STRN4: variants seen among roughly 807,000 people sequenced by gnomAD.
The protein encoded by STRN4 is striatin 4, also known as striatin-4.
STRN4 carries 27 observed loss-of-function variants against 77.9 expected under a neutral mutation model. The ratio of observed to expected loss-of-function variants is 0.35; its 90% CI spans 0.26 to 0.48. STRN4 has a LOEUF of 0.48. Among genes scored for constraint, STRN4 ranks in the 20% least tolerant of loss-of-function variants. The pLI is 0.99. For synonymous variants in STRN4, 466 were observed against 443.1 expected (o/e 1.05, Z -0.65); for missense variants, 798 against 1,049.7 (o/e 0.76, Z 3.31).
intron 3 of STRN4, 52 bp from the exon 4 acceptor site, chr19:46,736,953 C>A (rs778178819): frequency 4.4e-6 from 7 of 1,580,684 alleles, no homozygotes; most frequent in Non-Finnish European, 3.5e-6. Context: ...TGCCACCTAC[C>A]CATCACCTCC....
chr19:46,727,482 G>A lies in STRN4; in HGVS notation c.1218C>T (p.Thr406=), dbSNP rs758007175. Residue 406 remains threonine (T), a synonymous_variant, in exon 9 of 18, where the codon ACC becomes ACT. Coordinates refer to ENST00000263280, the MANE Select transcript of STRN4 (RefSeq NM_013403.3). ...EVSLGDLADL[T]VTNDNDLSCD... is the part of the protein sequence containing the mutation. ...AGCTGAGGTCGTTGTCGTTGGTGAC[G>A]GTGAGATCTGCCAAGTCCCCCAGGC... is the stretch of plus-strand genomic sequence containing the variant. The A allele has an allele frequency of 1.8e-5, 29 of 1,613,912 alleles. No individual in the cohort carries two copies. The highest frequency in any genetic ancestry group is 8.0e-5 in the African/African-American group (6 of 74,868).
intron 1 of STRN4, among the ~76,000 whole-genome samples, chr19:46,745,029 C>T (rs2054551355): frequency 6.6e-6 from 1 of 151,668 alleles, no homozygotes; most frequent in African/African-American, 2.4e-5. Context: ...TATCCCCTTC[C>T]CCCCAACCCC....
In STRN4 at chr19:46,724,797, T is replaced by C. The variant is rs560280974; in HGVS notation, c.1594+10A>G. The C allele has an allele frequency of 1.3e-4, 211 of 1,613,816 alleles. No individual in the cohort carries two copies. Among genetic ancestry groups the C allele is most frequent in the Admixed American group, 8.3e-4 (50 of 60,014 alleles). On this transcript the variant is annotated intron_variant, in intron 12 of 17. Transcript: ENST00000263280. ...GGATGTGAGGGGAAGGCGGGAGGCG[T>C]TGTCCTCACCGTAGCCATCATAGGG...
chr19:46,728,778 C>G lies in STRN4; in HGVS notation c.880-1G>C, dbSNP rs1425975820. ...CGGGCACCAGAGCCTTGGATGGGAGCTGGCACATGGAGAAAGCCAGACAAG... is the reference window on the plus strand; with the variant it reads ...CGGGCACCAGAGCCTTGGATGGGAGGTGGCACATGGAGAAAGCCAGACAAG... On this transcript the variant is annotated splice_acceptor_variant, in intron 6 of 17. Coordinates refer to ENST00000263280, the MANE Select transcript of STRN4 (RefSeq NM_013403.3). LOFTEE classifies it high-confidence loss of function. 1.2e-6 allele frequency: 2 copies of G among 1,613,976 alleles called. No homozygotes were observed. The highest frequency in any genetic ancestry group is 1.3e-5 in the African/African-American group (1 of 75,058).
rs368779880 is a variant in STRN4, at chr19:46,723,296, G to A, written c.1595-12C>T. The A allele has an allele frequency of 2.6e-5, 40 of 1,531,700 alleles. No homozygotes were observed. Among genetic ancestry groups the A allele is most frequent in the East Asian group, 2.2e-4 (9 of 40,680 alleles). 94.9% of individuals were successfully genotyped at this position (1,531,700 alleles called of 1,614,324 possible). A position where few individuals can be genotyped will look rare whatever the true frequency, so the allele number is the denominator to read the frequency against. On this transcript the variant is annotated splice_polypyrimidine_tract_variant and intron_variant, in intron 12 of 17. Transcript: ENST00000263280. This position sits in a 1 kb window ranked among gnomAD's most constrained non-coding sequence, Gnocchi z 5.5. ...CAGCACGCTTGGGTCTGCACCCACC[G>A]CAGGGAGGAAATGGGCTGTGTCAGG...
rs770266340 is a variant in STRN4, at chr19:46,736,860, G to C, written c.502C>G (p.Pro168Ala). Residue 168 changes from proline to alanine, a missense_variant, in exon 4 of 18, where the codon CCG (proline) becomes GCG (alanine). Around this residue, in one of 2 missense-constraint regions of STRN4, gnomAD observed 511 missense variants for 575.9 expected, o/e 0.89. Transcript: ENST00000263280. ...PVESVTLENS[P>A]LVWKEGRQLL... is the part of the protein sequence containing the mutation. Reference sequence around the variant, plus strand: ...TGCCGCCCCTCCTTCCACACCAACGGGCTGTTCTCCAGGGTGACCGATTCC... The same window carrying C: ...TGCCGCCCCTCCTTCCACACCAACGCGCTGTTCTCCAGGGTGACCGATTCC... 6.2e-7 allele frequency: 1 copy of C among 1,613,218 alleles called. No homozygotes were observed. Among genetic ancestry groups the C allele is most frequent in the South Asian group, 1.1e-5 (1 of 90,904 alleles).
chr19:46,742,528 G>C (rs778659963), intron 1 of STRN4, among the ~76,000 whole-genome samples: 4 of 152,046 alleles, frequency 2.6e-5, no homozygotes, highest in Non-Finnish European at 4.4e-5. Flanking sequence ...GTAAACTGGT[G>C]GGTCAATGTG....
intron 12 of STRN4, among the ~76,000 whole-genome samples, chr19:46,724,377 C>T (rs1450382374): frequency 2.0e-5 from 3 of 152,192 alleles, no homozygotes; most frequent in East Asian, 1.9e-4. Context: ...CGCGCTCCAG[C>T]CTGGCCCAGC....
In STRN4 at chr19:46,723,088, G is replaced by T; in HGVS notation, c.1765+26C>A. The T allele has an allele frequency of 6.4e-7, 1 of 1,560,870 alleles. No individual in the cohort carries two copies. On this transcript the variant is annotated intron_variant, in intron 13 of 17. Transcript: ENST00000263280. This position sits in a 1 kb window ranked among gnomAD's most constrained non-coding sequence, Gnocchi z 5.5. ...GCCTCCAGATCCCGCACAGCTCCAG[G>T]GTGAGGCACCGGGGCCCCCACTCAC...
At chr19:46,724,710 G>C (rs2054065634) in intron 12 of STRN4, 97 bp downstream of exon 12, 28 of 1,560,372 alleles carry the variant, frequency 1.8e-5, no homozygotes, top group Non-Finnish European at 2.4e-5. Context: ...CCTGAGGCCT[G>C]CAGTGTTGGC....
At chr19:46,725,282 C>T (rs370214549) in intron 11 of STRN4, 50 bp downstream of exon 11, 7 of 1,612,906 alleles carry the variant, frequency 4.3e-6, no homozygotes, top group African/African-American at 4.0e-5. Context: ...GGTCAGGAGT[C>T]AGGCTGCATT....
At chr19:46,737,166 T>G (rs1429179412) in intron 3 of STRN4, among the ~76,000 whole-genome samples, 1 of 152,172 alleles carries the variant, frequency 6.6e-6, no homozygotes, top group African/African-American at 2.4e-5. Context: ...ACCAGAAAGC[T>G]GGCCTGGTTC....
chr19:46,722,926 G>A lies in STRN4; in HGVS notation c.1790C>T (p.Ala597Val), dbSNP rs777119292. 1.2e-6 allele frequency: 2 copies of A among 1,613,946 alleles called. No homozygotes were observed. The highest frequency in any genetic ancestry group is 1.7e-6 in the Non-Finnish European group (2 of 1,180,040). The stretch of plus-strand genomic sequence containing the variant: ...GTGGGCAGGCTCGGTGCTGGTGAAG[G>A]CCACTGAGGTGGGGACCCCGTGCTC... ...ASEHGVPTSV[A>V]FTSTEPAHIV... is the part of the protein sequence containing the mutation. The change falls in exon 14 of 18, where the codon GCC becomes GTC. Residue 597 changes from alanine to valine, a missense_variant. Physicochemically the swap from Ala to Val is moderately conservative, Grantham distance 64 (BLOSUM62 0). Around this residue, in one of 2 missense-constraint regions of STRN4, gnomAD observed 287 missense variants for 473.8 expected, o/e 0.61. Coordinates refer to ENST00000263280, the MANE Select transcript of STRN4 (RefSeq NM_013403.3).
At position 46,723,356 on chromosome 19, in the gene STRN4, A is replaced by G; in HGVS notation, c.1595-72T>C. 1.4e-6 allele frequency: 2 copies of G among 1,463,166 alleles called. No homozygotes were observed. Among genetic ancestry groups the G allele is most frequent in the Non-Finnish European group, 1.8e-6 (2 of 1,105,016 alleles). The allele number at this position is 1,463,166 out of a possible 1,614,324, so 90.6% of individuals were successfully genotyped here. A position where few individuals can be genotyped will look rare whatever the true frequency, so the allele number is the denominator to read the frequency against. ...TCCTCCCTGGACAGCCCAGAGCCCC[A>G]GCTCTGCCAAGCCCCAGGCAGCTGG... is the stretch of plus-strand genomic sequence containing the variant. On this transcript the variant is annotated intron_variant, in intron 12 of 17. Coordinates refer to ENST00000263280, the MANE Select transcript of STRN4 (RefSeq NM_013403.3). This position sits in a 1 kb window ranked among gnomAD's most constrained non-coding sequence, Gnocchi z 5.5.
Position 46,722,960 on chromosome 19 carries a change from C to T in STRN4, c.1766-10G>A. ...GTGGGGACCCCGTGCTCTGAGGGCA[C>T]AGGGAAGAGAAGGCTGCTGAATGGA... On this transcript the variant is annotated splice_polypyrimidine_tract_variant and intron_variant, in intron 13 of 17. Transcript: ENST00000263280. The T allele has an allele frequency of 6.2e-7, 1 of 1,613,566 alleles. No homozygotes were observed. The highest frequency in any genetic ancestry group is 8.5e-7 in the Non-Finnish European group (1 of 1,179,940).
At chr19:46,728,965 T>G (rs1048387365) in intron 6 of STRN4, 188 bp from the exon 7 acceptor site, 10 of 734,854 alleles carry the variant, frequency 1.4e-5, no homozygotes, top group Non-Finnish European at 2.1e-5. Context: ...CTAGGGCCGG[T>G]CGGCCTGACC....
intron 14 of STRN4, 112 bp downstream of exon 14, chr19:46,722,698 G>A (rs2054008837): frequency 3.4e-6 from 5 of 1,475,766 alleles, no homozygotes; most frequent in Admixed American, 3.7e-5. Context: ...AGGGCCTGAG[G>A]GTGCAGGGGA....
At chr19:46,736,749 T>C in intron 4 of STRN4, 74 bp downstream of exon 4, 1 of 1,445,696 alleles carries the variant, frequency 6.9e-7, no homozygotes, top group Admixed American at 1.7e-5. Flanking sequence ...GGAAAAGGAC[T>C]GTGGAGTCTT....
In STRN4 at chr19:46,733,222, A is replaced by G. The variant is rs1205906875; in HGVS notation, c.554T>C (p.Val185Ala). The change falls in exon 5 of 18, where the codon GTG becomes GCG. Residue 185 changes from valine (V) to alanine (A), a missense_variant. By Grantham distance (64) the Val-to-Ala change is moderately conservative. Coordinates refer to ENST00000263280, the MANE Select transcript of STRN4 (RefSeq NM_013403.3). The surrounding 1 kb of genome is among the most constrained non-coding windows in gnomAD (Gnocchi z 4.3). The stretch of plus-strand genomic sequence containing the variant: ...GTCGAGGATGGTGTCTGTGTAGCCC[A>G]CCTCTTCCAGGTACCTGCAGGGGTG... ...RQLLRQYLEE[V>A]GYTDTILDMR... 6.2e-7 allele frequency: 1 copy of G among 1,609,926 alleles called. No homozygotes were observed. Among genetic ancestry groups the G allele is most frequent in the Admixed American group, 1.7e-5 (1 of 59,960 alleles).
Sources: gnomAD v4.1 joint callset for allele counts (sites outside exome capture counted in the v4.1 genomes callset) on GRCh38, gnomAD v4.1.1 for gene constraint, gnomAD v4.1.1 regional missense constraint, Gnocchi (gnomAD v3.1) non-coding constraint, MANE v1.5 for transcripts, NCBI Gene and HGNC (gene_info 2026-07-23, HGNC 2026-07-21) for gene names.